The following ANXA4 variants were observed in gnomAD, a reference collection of about 807,000 sequenced individuals.
ANXA4 encodes 35-beta calcimedin.
Under a neutral mutation model 49.8 loss-of-function variants are expected in ANXA4, and 39 were observed. The ratio of observed to expected loss-of-function variants is 0.78; its 90% CI spans 0.61 to 1.02. The LOEUF (loss-of-function observed/expected upper bound fraction) is 1.02, where lower values mean the gene tolerates loss of function less well. Among genes scored for constraint, ANXA4 ranks in the 50% least tolerant of loss-of-function variants. The pLI, the probability that ANXA4 is intolerant of heterozygous loss-of-function variation, is 0.00. For missense variants in ANXA4, 360 were observed against 410.1 expected (o/e 0.88, Z 1.05); for synonymous variants, 134 against 152.5 (o/e 0.88, Z 0.89).
At chr2:69,668,081 G>C (rs1677007640) in intron 2 of ANXA4, among the ~76,000 whole-genome samples, 2 of 152,188 alleles carry the variant, frequency 1.3e-5, no homozygotes, top group East Asian at 3.8e-4. Context: ...AGGAGGAAGG[G>C]ACAATAAAAT....
chr2:69,706,162 G>C (rs1559095831), intron 2 of ANXA4, among the ~76,000 whole-genome samples: 1 of 149,860 alleles, frequency 6.7e-6, no homozygotes, highest in African/African-American at 2.5e-5. Flanking sequence ...TCTGGTTTTT[G>C]TTTTGATTTT....
At chr2:69,790,321 G>A (rs1672628264) in intron 3 of ANXA4, among the ~76,000 whole-genome samples, 1 of 152,100 alleles carries the variant, frequency 6.6e-6, no homozygotes, top group Non-Finnish European at 1.5e-5. Flanking sequence ...CTGGAGAGTG[G>A]CGTTGTGTGG....
chr2:69,687,302 G>A lies in ANXA4; in HGVS notation n.767-33472G>A, dbSNP rs559683929. 2.1e-3 allele frequency among the ~76,000 whole-genome samples: 313 copies of A among 152,122 alleles called. 1 individual carries two copies. The highest frequency in any genetic ancestry group is 3.3e-3 in the Non-Finnish European group (221 of 67,994). ...GCAGATCGCTTGAGCTCAGGAGTTC[G>A]AGACCAGCCTGGGCAACATGGTGAG... On this transcript the variant is annotated intron_variant and non_coding_transcript_variant, in intron 2 of 3. Transcript: ENST00000418066.
chr2:69,666,203 G>C (rs115142207), intron 2 of ANXA4, among the ~76,000 whole-genome samples: 1 of 152,304 alleles, frequency 6.6e-6, no homozygotes, highest in African/African-American at 2.4e-5. Context: ...TTTCTGCAAA[G>C]AAGGTACACA....
chr2:69,751,584 A>T (rs140688478), intron 1 of ANXA4, among the ~76,000 whole-genome samples: 10 of 151,692 alleles, frequency 6.6e-5, no homozygotes, highest in Non-Finnish European at 1.3e-4. Flanking sequence ...AGCTATGGGG[A>T]TGAATTCTTT....
chr2:69,784,653 G>C (rs114525825), intron 2 of ANXA4, among the ~76,000 whole-genome samples: 18 of 152,218 alleles, frequency 1.2e-4, no homozygotes, highest in Non-Finnish European at 2.2e-4. Context: ...AAACTGGATG[G>C]CTTAGAATAG....
chr2:69,815,736 A>T, intron 8 of ANXA4: 1 of 206,864 alleles, frequency 4.8e-6, no homozygotes, highest in Non-Finnish European at 1.0e-5. Context: ...ATGTGATTGA[A>T]GAGCTGAATT....
intron 2 of ANXA4, among the ~76,000 whole-genome samples, chr2:69,715,605 C>G: frequency 6.6e-6 from 1 of 152,232 alleles, no homozygotes. Flanking sequence ...TTTTAACCCT[C>G]ACAACACATC....
intron 1 of ANXA4, among the ~76,000 whole-genome samples, chr2:69,652,527 T>G (rs1253971647): frequency 6.6e-6 from 1 of 152,180 alleles, no homozygotes; most frequent in African/African-American, 2.4e-5. Context: ...CTTTTCATTT[T>G]GAAAACCGGT....
chr2:69,727,777 C>G (rs1465771470), intron 3 of ANXA4, among the ~76,000 whole-genome samples: 2 of 152,046 alleles, frequency 1.3e-5, no homozygotes, highest in Non-Finnish European at 2.9e-5. Context: ...ACATTGGTAC[C>G]CATCTTCAGA....
chr2:69,703,810 TA>T (rs1325375306), intron 2 of ANXA4, among the ~76,000 whole-genome samples: 1 of 152,138 alleles, frequency 6.6e-6, no homozygotes, highest in Non-Finnish European at 1.5e-5. Context: ...CAAACTGGGT[TA>T]TTTTTTTCAC....
At position 69,650,741 on chromosome 2, in the gene ANXA4, C is replaced by T. The variant is rs534447458; in HGVS notation, n.482-2257C>T. On this transcript the variant is annotated intron_variant and non_coding_transcript_variant, in intron 1 of 3. Coordinates refer to the ANXA4 transcript ENST00000418066. ...AGGCTTGGGATTACAGGCATAGCCA[C>T]TGTGCCCAGCTAGAGCTTTTGATCT... 5.9e-5 allele frequency among the ~76,000 whole-genome samples: 9 copies of T among 152,326 alleles called. No homozygotes were observed. In the East Asian group the frequency reaches 1.7e-3, roughly 29 times the overall value.
intron 2 of ANXA4, among the ~76,000 whole-genome samples, chr2:69,666,848 C>G (rs1310656915): frequency 6.6e-6 from 1 of 152,104 alleles, no homozygotes; most frequent in Non-Finnish European, 1.5e-5. Context: ...GAGTTTGAGA[C>G]CAGCCTGGCC....
intron 1 of ANXA4, among the ~76,000 whole-genome samples, chr2:69,755,138 T>G (rs1172007999): frequency 6.6e-6 from 1 of 152,156 alleles, no homozygotes; most frequent in Non-Finnish European, 1.5e-5. Context: ...CCTAGAATAG[T>G]CAAACTCATA....
rs1252048789 is a variant in ANXA4, at chr2:69,663,170, A to G, written n.766+9888A>G. On this transcript the variant is annotated intron_variant and non_coding_transcript_variant, in intron 2 of 3. Transcript: ENST00000418066. ...ACCACGCCCAGCTATTTTTTTTTGT[A>G]TTTTTAGTAGAGACGGGGTTTCACC... is the stretch of plus-strand genomic sequence containing the variant. Among the ~76,000 whole-genome samples the G allele has an allele frequency of 2.7e-5, 4 of 147,164 alleles. No individual in the cohort carries two copies. The East Asian group carries it at 8.1e-4, about 30-fold the overall frequency.
upstream of ANXA4, among the ~76,000 whole-genome samples, chr2:69,739,475 A>G (rs755294370): frequency 5.3e-5 from 8 of 151,900 alleles, no homozygotes; most frequent in Non-Finnish European, 7.4e-5. Context: ...GCAGAGGCAT[A>G]GCTCACTGCA....
intron 2 of ANXA4, among the ~76,000 whole-genome samples, chr2:69,696,380 G>C (rs1392035452): frequency 6.6e-6 from 1 of 152,124 alleles, no homozygotes; most frequent in East Asian, 1.9e-4. Flanking sequence ...CACATCTCCA[G>C]GTACCACTTC....
intron 2 of ANXA4, among the ~76,000 whole-genome samples, chr2:69,654,355 C>G (rs1235920842): frequency 6.6e-6 from 1 of 152,120 alleles, no homozygotes; most frequent in Non-Finnish European, 1.5e-5. Flanking sequence ...GCATCCTTGT[C>G]TTGTGCCGGT....
At chr2:69,820,281 A>G (rs2103890996) in intron 11 of ANXA4, among the ~76,000 whole-genome samples, 1 of 151,750 alleles carries the variant, frequency 6.6e-6, no homozygotes, top group Admixed American at 6.6e-5. Context: ...GAGAATCTGC[A>G]AAGAATATAT....
Sources: allele counts gnomAD v4.1 joint callset (sites outside exome capture counted in the v4.1 genomes callset), GRCh38; gene constraint gnomAD v4.1.1; transcripts MANE v1.5; gene names NCBI Gene and HGNC (gene_info 2026-07-23, HGNC 2026-07-21).